UST: variants seen among roughly 807,000 people sequenced by gnomAD.
UST encodes uronyl 2-sulfotransferase.
Under a neutral mutation model 45.6 loss-of-function variants are expected in UST, and 21 were observed. The observed-to-expected ratio is 0.46, with a 90% CI of 0.33 to 0.66. The LOEUF (loss-of-function observed/expected upper bound fraction) is 0.66. UST is among the 30% of genes least tolerant of loss of function. The pLI, the probability that UST is intolerant of heterozygous loss-of-function variation, is 0.02. For missense variants in UST, 463 were observed against 512.4 expected (o/e 0.90, Z 0.93); for synonymous variants, 215 against 200.6 (o/e 1.07, Z -0.61).
chr6:148,949,989 T>C (rs1156561), intron 3 of UST, among the ~76,000 whole-genome samples: 59,949 of 152,054 alleles, frequency 0.39, 12,049 homozygotes, highest in South Asian at 0.59. Context: ...ATCACGTATT[T>C]GGTTGTCCTA....
chr6:148,884,346 T>C (rs1778875477), intron 1 of UST, among the ~76,000 whole-genome samples: 2 of 152,178 alleles, frequency 1.3e-5, no homozygotes, highest in Admixed American at 1.3e-4. Context: ...CAAGTCCCTG[T>C]TCTCATAAAG....
rs1890609 is a variant in UST, at chr6:148,955,090, C to T, written c.527+1139C>T. ...AACCTCCGGGCCTCCCTTGTCAGCCCTCTGACGGGCACTTCTGTCATCTTA... is the reference window on the plus strand; with the variant it reads ...AACCTCCGGGCCTCCCTTGTCAGCCTTCTGACGGGCACTTCTGTCATCTTA... On this transcript the variant is annotated intron_variant, in intron 4 of 7. Coordinates refer to ENST00000367463, the MANE Select transcript of UST (RefSeq NM_005715.3). Among the ~76,000 whole-genome samples the T allele has an allele frequency of 4.8e-3, 731 of 152,196 alleles. 4 individuals carry two copies. The highest frequency in any genetic ancestry group is 0.016 in the African/African-American group (672 of 41,538).
intron 5 of UST, among the ~76,000 whole-genome samples, chr6:149,012,803 T>TAA (rs1562329352): frequency 4.6e-5 from 4 of 87,222 alleles, no homozygotes; most frequent in Admixed American, 1.1e-4. Context: ...GAGTCACTAT[T>TAA]TAAAAAAAAA....
intron 5 of UST, among the ~76,000 whole-genome samples, chr6:148,977,778 A>G (rs1381499093): frequency 2.0e-5 from 3 of 151,242 alleles, no homozygotes; most frequent in Admixed American, 6.6e-5. Flanking sequence ...AAAAGAAAAG[A>G]AAATCAGCTT....
In UST at chr6:148,958,729, A is replaced by G. The variant is rs376066806; in HGVS notation, c.527+4778A>G. On this transcript the variant is annotated intron_variant, in intron 4 of 7. Coordinates refer to ENST00000367463, the MANE Select transcript of UST (RefSeq NM_005715.3). ...CAAATTTGTCTGTCCCCTGCCCCCAATTTTGTTTGTTTTCTAAGCTTGTAT... is the reference window on the plus strand; with the variant it reads ...CAAATTTGTCTGTCCCCTGCCCCCAGTTTTGTTTGTTTTCTAAGCTTGTAT... 7.2e-5 allele frequency among the ~76,000 whole-genome samples: 11 copies of G among 152,218 alleles called. 1 individual carries two copies. Among genetic ancestry groups the G allele is most frequent in the East Asian group, 5.8e-4 (3 of 5,188 alleles).
At chr6:148,920,091 C>T (rs1779671720) in intron 2 of UST, among the ~76,000 whole-genome samples, 1 of 152,212 alleles carries the variant, frequency 6.6e-6, no homozygotes, top group South Asian at 2.1e-4. Context: ...TGATTCCTTA[C>T]AGCTCAGCTT....
intron 2 of UST, among the ~76,000 whole-genome samples, chr6:148,907,343 TATC>T (rs1289716707): frequency 6.6e-6 from 1 of 152,208 alleles, no homozygotes; most frequent in African/African-American, 2.4e-5. Flanking sequence ...TACAAGGAAA[TATC>T]ATTCTAGATA....
intron 1 of UST, among the ~76,000 whole-genome samples, chr6:148,866,173 A>G (rs1422607406): frequency 1.0e-5 from 1 of 97,882 alleles, no homozygotes; most frequent in Non-Finnish European, 2.1e-5. Flanking sequence ...TTTAGTGATA[A>G]CTAAATAAAT....
chr6:148,868,784 C>T (rs35298721), intron 1 of UST, among the ~76,000 whole-genome samples: 5 of 152,126 alleles, frequency 3.3e-5, no homozygotes, highest in Non-Finnish European at 5.9e-5. Context: ...ATTCTAAGAG[C>T]GTAACAAGGG....
intron 7 of UST, among the ~76,000 whole-genome samples, chr6:149,024,697 C>T (rs912157406): frequency 6.6e-6 from 1 of 152,212 alleles, no homozygotes; most frequent in Non-Finnish European, 1.5e-5. Flanking sequence ...ACCATCTCAT[C>T]TTTGTATTTT....
At chr6:148,861,242 A>C (rs1778305852) in intron 1 of UST, among the ~76,000 whole-genome samples, 1 of 152,228 alleles carries the variant, frequency 6.6e-6, no homozygotes, top group South Asian at 2.1e-4. Context: ...GTATGTGTCC[A>C]GGAATTTATC....
intron 1 of UST, among the ~76,000 whole-genome samples, chr6:148,843,879 G>A (rs1423400425): frequency 6.6e-6 from 1 of 151,980 alleles, no homozygotes; most frequent in Non-Finnish European, 1.5e-5. Context: ...ATAATGTTCT[G>A]CATAGAGCAC....
At chr6:149,063,096 C>T (rs937709586) in intron 7 of UST, among the ~76,000 whole-genome samples, 8 of 152,160 alleles carry the variant, frequency 5.3e-5, no homozygotes, top group East Asian at 1.9e-4. Flanking sequence ...CACTCAGGAC[C>T]GTAACTACTC....
chr6:148,784,535 C>T (rs1776703060), intron 1 of UST, among the ~76,000 whole-genome samples: 1 of 152,240 alleles, frequency 6.6e-6, no homozygotes, highest in African/African-American at 2.4e-5. Context: ...AATCATACCT[C>T]TGTCTGTATC....
At chr6:149,055,172 G>A (rs527905878) in intron 7 of UST, among the ~76,000 whole-genome samples, 3 of 152,276 alleles carry the variant, frequency 2.0e-5, no homozygotes, top group South Asian at 2.1e-4. Flanking sequence ...CCAGCAAGTC[G>A]ATGTATGGTT....
At chr6:148,918,949 T>G (rs1437985791) in intron 2 of UST, among the ~76,000 whole-genome samples, 2 of 152,210 alleles carry the variant, frequency 1.3e-5, no homozygotes, top group African/African-American at 4.8e-5. Flanking sequence ...TGAACATGAA[T>G]AGAGAAAACC....
At chr6:149,066,450 G>C (rs956171183) in intron 7 of UST, among the ~76,000 whole-genome samples, 1 of 152,132 alleles carries the variant, frequency 6.6e-6, no homozygotes, top group African/African-American at 2.4e-5. Context: ...ATGAAGAAGA[G>C]GGGGTGGATG....
chr6:148,838,556 C>T (rs1777834296), intron 1 of UST, among the ~76,000 whole-genome samples: 1 of 152,076 alleles, frequency 6.6e-6, no homozygotes. Context: ...TGCTGCTGGT[C>T]CATAGACGTC....
intron 1 of UST, among the ~76,000 whole-genome samples, chr6:148,843,564 A>C (rs1777926898): frequency 6.6e-6 from 1 of 152,192 alleles, no homozygotes; most frequent in African/African-American, 2.4e-5. Context: ...TTAATCATGA[A>C]GGTAACTCTC....
Sources: gnomAD v4.1 joint callset for allele counts (sites outside exome capture counted in the v4.1 genomes callset) on GRCh38, gnomAD v4.1.1 for gene constraint, MANE v1.5 for transcripts, NCBI Gene and HGNC (gene_info 2026-07-23, HGNC 2026-07-21) for gene names.